Variants in PASD1 observed in about 807,000 individuals in gnomAD.
PASD1 encodes PAS domain containing repressor 1.
A neutral mutation model predicts 58.8 loss-of-function variants in PASD1; 13 were observed. The observed-to-expected ratio is 0.22, with a 90% CI of 0.14 to 0.35. The LOEUF is 0.35. Ranked by LOEUF, PASD1 falls within the 10% of genes least tolerant of loss-of-function variation. The pLI is 1.00. For missense variants in PASD1, 734 were observed against 568.3 expected (o/e 1.29, Z -2.96); for synonymous variants, 236 against 216.7 (o/e 1.09, Z -0.78).
chrX:151,592,455 G>A (rs1228564491), intron 1 of PASD1, among the ~76,000 whole-genome samples: 1 of 111,767 alleles, frequency 8.9e-6, no homozygotes, highest in African/African-American at 3.2e-5. Context: ...TGAAAAACGG[G>A]TTTGAATAAT....
rs2014089727 is a variant in PASD1 at position 151,648,524 on chromosome X, T to C, written c.630-91T>C. On this transcript the variant is annotated intron_variant, in intron 8 of 15. Transcript: ENST00000370357. Reference sequence around the variant, plus strand: ...AGTAGGGAAAATAAAACAAATAGTTTTTATTTGAACCTTTTTATTGTATGA... The same window carrying C: ...AGTAGGGAAAATAAAACAAATAGTTCTTATTTGAACCTTTTTATTGTATGA... 3.5e-6 allele frequency: 3 copies of C among 860,264 alleles called. No homozygotes were observed. The African/African-American group carries it at 6.1e-5, about 17-fold the overall frequency. The allele number at this position is 860,264 out of a possible 1,213,427, so 70.9% of individuals were successfully genotyped here. A position where few individuals can be genotyped will look rare whatever the true frequency, so the allele number is the denominator to read the frequency against.
At chrX:151,602,734 TA>T (rs1315261406) in intron 2 of PASD1, among the ~76,000 whole-genome samples, 1 of 109,090 alleles carries the variant, frequency 9.2e-6, no homozygotes, top group Non-Finnish European at 1.9e-5. Context: ...GAAGAAGAAT[TA>T]AAAGCACTTC....
At chrX:151,667,680 A>C (rs776242906) in intron 11 of PASD1, among the ~76,000 whole-genome samples, 50 of 111,957 alleles carry the variant, frequency 4.5e-4, no homozygotes, top group African/African-American at 1.5e-3. Flanking sequence ...TGTCAAAGAT[A>C]AGATGGTTGT....
chrX:151,647,362 A>C, intron 8 of PASD1, among the ~76,000 whole-genome samples: 1 of 111,401 alleles, frequency 9.0e-6, no homozygotes, highest in Non-Finnish European at 1.9e-5. Flanking sequence ...AAAAATATGT[A>C]ATAATATAGG....
At chrX:151,612,005 TC>T (rs2013568798) in intron 4 of PASD1, among the ~76,000 whole-genome samples, 1 of 80,069 alleles carries the variant, frequency 1.2e-5, no homozygotes, top group South Asian at 9.3e-4. Flanking sequence ...TGTGTGATGT[TC>T]CCCTTCCTGT....
chrX:151,669,338 G>A (rs1286049975), intron 11 of PASD1, among the ~76,000 whole-genome samples: 1 of 109,604 alleles, frequency 9.1e-6, no homozygotes, highest in Non-Finnish European at 1.9e-5. Flanking sequence ...TATACACAAT[G>A]TGTAATGATC....
chrX:151,667,618 C>T (rs1432489694), intron 11 of PASD1, among the ~76,000 whole-genome samples: 2 of 112,164 alleles, frequency 1.8e-5, no homozygotes, highest in African/African-American at 6.5e-5. Context: ...GTTTTCCCAG[C>T]ACCATTTGTT....
In PASD1 at chrX:151,587,807, C is replaced by T. The variant is rs139251426; in HGVS notation, c.-27-13720C>T. On this transcript the variant is annotated intron_variant, in intron 1 of 15. Coordinates refer to ENST00000370357, the MANE Select transcript of PASD1 (RefSeq NM_173493.3). ...TGTGTGGTGTATGGCATGCATATTA[C>T]GTAATCCAGGGTAGATTAATTTACA... 5.4e-3 allele frequency among the ~76,000 whole-genome samples: 607 copies of T among 111,839 alleles called. 3 individuals carry two copies. The highest frequency in any genetic ancestry group is 0.012 in the African/African-American group (356 of 30,778).
intron 10 of PASD1, among the ~76,000 whole-genome samples, chrX:151,661,755 CTTT>C (rs34934059): frequency 7.0e-5 from 7 of 100,517 alleles, no homozygotes; most frequent in Admixed American, 2.1e-4. Flanking sequence ...CTCATTCTTG[CTTT>C]TTTTTTTTTT....
rs771771223 is a variant in PASD1, at chrX:151,674,194, A to G, written c.2175+8A>G. The G allele has an allele frequency of 4.6e-5, 56 of 1,209,198 alleles. No homozygotes were observed. The highest frequency in any genetic ancestry group is 6.3e-5 in the Non-Finnish European group (56 of 894,565). On this transcript the variant is annotated splice_region_variant and intron_variant, in intron 15 of 15. Coordinates refer to ENST00000370357, the MANE Select transcript of PASD1 (RefSeq NM_173493.3). ...CAACCCACCTACCATCAGGTATGGGACAGCCCCCTCCTTTTCCTTCCAGCG... is the reference window on the plus strand; with the variant it reads ...CAACCCACCTACCATCAGGTATGGGGCAGCCCCCTCCTTTTCCTTCCAGCG...
chrX:151,565,017 C>T (rs1197418902), intron 1 of PASD1, among the ~76,000 whole-genome samples: 3 of 112,102 alleles, frequency 2.7e-5, no homozygotes, highest in African/African-American at 9.7e-5. Flanking sequence ...GCATGCCATA[C>T]ACCACACAAT....
At chrX:151,581,350 G>A (rs986015826) in intron 1 of PASD1, among the ~76,000 whole-genome samples, 18 of 108,493 alleles carry the variant, frequency 1.7e-4, no homozygotes, top group African/African-American at 5.3e-4. Flanking sequence ...CTGTGCTTTG[G>A]GAGACCAATG....
intron 1 of PASD1, among the ~76,000 whole-genome samples, chrX:151,599,519 C>T (rs2013375514): frequency 9.0e-6 from 1 of 110,563 alleles, no homozygotes; most frequent in Non-Finnish European, 1.9e-5. Flanking sequence ...GGGGCGGCTG[C>T]CGGGTGGAGG....
intron 14 of PASD1, 144 bp downstream of exon 14, chrX:151,672,805 C>T: frequency 1.0e-6 from 1 of 997,347 alleles, no homozygotes; most frequent in Non-Finnish European, 1.3e-6. Context: ...TCTCAACTTG[C>T]CTTCTCTGTG....
chrX:151,605,400 C>T (rs765883842), intron 3 of PASD1, among the ~76,000 whole-genome samples: 3 of 110,984 alleles, frequency 2.7e-5, no homozygotes, highest in Admixed American at 9.6e-5. Context: ...GGAAATTATC[C>T]GTCCAGTCCC....
At position 151,664,229 on chromosome X, in the gene PASD1, G is replaced by T; in HGVS notation, c.952G>T (p.Gly318Cys). The change falls in exon 11 of 16, where the codon GGC (glycine) becomes TGC (cysteine). Residue 318 changes from glycine to cysteine, a missense_variant. By Grantham distance (159) the Gly-to-Cys change is radical (BLOSUM62 -3). Transcript: ENST00000370357. Reference sequence around the variant, plus strand: ...TCAGGTGGACTCAGTGGACCAGGAGGGCCCAATGGACCAGCAGGACCCAGA... The same window carrying T: ...TCAGGTGGACTCAGTGGACCAGGAGTGCCCAATGGACCAGCAGGACCCAGA... ...VDQVDSVDQE[G>C]PMDQQDPENP... The T allele has an allele frequency of 8.3e-7, 1 of 1,210,896 alleles. No individual in the cohort carries two copies. The highest frequency in any genetic ancestry group is 1.7e-5 in the African/African-American group (1 of 57,533).
chrX:151,644,979 C>T (rs1175701538), intron 8 of PASD1, among the ~76,000 whole-genome samples: 1 of 110,610 alleles, frequency 9.0e-6, no homozygotes, highest in Non-Finnish European at 1.9e-5. Context: ...AATGACTCTT[C>T]AGGAGAGGTG....
At chrX:151,598,892 G>A (rs1222425505) in intron 1 of PASD1, among the ~76,000 whole-genome samples, 2 of 110,154 alleles carry the variant, frequency 1.8e-5, no homozygotes, top group Admixed American at 9.6e-5. Context: ...CAGGGTCATA[G>A]GACAATAGTG....
intron 9 of PASD1, among the ~76,000 whole-genome samples, chrX:151,656,733 G>C (rs2014247153): frequency 8.9e-6 from 1 of 111,844 alleles, no homozygotes; most frequent in Non-Finnish European, 1.9e-5. Flanking sequence ...TGCTGAAGTT[G>C]CTTATCAGCT....
Sources: allele counts gnomAD v4.1 joint callset (sites outside exome capture counted in the v4.1 genomes callset), GRCh38; gene constraint gnomAD v4.1.1; transcripts MANE v1.5; gene names NCBI Gene and HGNC (gene_info 2026-07-23, HGNC 2026-07-21).